Variants in SNTG1 observed in about 807,000 individuals in gnomAD.
SNTG1 encodes gamma-1-syntrophin.
Under a neutral mutation model 74.7 loss-of-function variants are expected in SNTG1, and 39 were observed. That is an observed-to-expected ratio of 0.52 (90% CI 0.40 to 0.68). The LOEUF is 0.68. SNTG1 is among the 30% of genes least tolerant of loss of function. The probability of loss-of-function intolerance (pLI) is 0.00; values close to 1 mark genes in which losing one functional copy is unlikely to be tolerated. For missense variants in SNTG1, 685 were observed against 609.5 expected (o/e 1.12, Z -1.30); for synonymous variants, 254 against 217.1 (o/e 1.17, Z -1.49).
At chr8:50,094,616 A>T (rs1424376578) in intron 1 of SNTG1, among the ~76,000 whole-genome samples, 6 of 152,216 alleles carry the variant, frequency 3.9e-5, no homozygotes, top group Admixed American at 6.5e-5. Context: ...GAGAAATGCA[A>T]ATCAAATCAA....
At chr8:50,185,699 T>C (rs2083355684) in intron 2 of SNTG1, among the ~76,000 whole-genome samples, 1 of 152,318 alleles carries the variant, frequency 6.6e-6, no homozygotes, top group Admixed American at 6.5e-5. Context: ...AGTTCACTAA[T>C]AATTGTGGAA....
Position 50,479,342 on chromosome 8 carries a change from A to G in SNTG1, c.364-23436A>G, listed in dbSNP as rs200538426. Among the ~76,000 whole-genome samples, 4 of 152,102 alleles carry G rather than the reference A, an allele frequency of 2.6e-5. No homozygotes were observed. In the East Asian group the frequency reaches 5.8e-4, roughly 22 times the overall value. On this transcript the variant is annotated intron_variant, in intron 8 of 18. Coordinates refer to ENST00000642720, the MANE Select transcript of SNTG1 (RefSeq NM_018967.5). ...ATCCAGCTTTCTGCCAAGAATTTGA[A>G]TCTCATCTGATGCCACGTTTCTGAC...
chr8:50,230,858 G>T (rs549895409), intron 2 of SNTG1, among the ~76,000 whole-genome samples: 76 of 146,024 alleles, frequency 5.2e-4, no homozygotes, highest in African/African-American at 1.7e-3. Context: ...TTTTTAATTT[G>T]ACTCAAAAAC....
chr8:49,949,619 T>A (rs1563384542), intron 1 of SNTG1, among the ~76,000 whole-genome samples: 1 of 152,230 alleles, frequency 6.6e-6, no homozygotes, highest in Non-Finnish European at 1.5e-5. Context: ...ACGATTTTTA[T>A]ATTTTTCCGT....
intron 15 of SNTG1, among the ~76,000 whole-genome samples, chr8:50,699,008 G>A (rs1369825575): frequency 2.0e-5 from 3 of 152,104 alleles, no homozygotes; most frequent in Admixed American, 6.6e-5. Flanking sequence ...TTGAACTCCT[G>A]TGTTCTCTCT....
At chr8:50,554,981 A>G (rs1288972956) in intron 12 of SNTG1, among the ~76,000 whole-genome samples, 1 of 152,152 alleles carries the variant, frequency 6.6e-6, no homozygotes, top group Non-Finnish European at 1.5e-5. Context: ...TTGTCATGCC[A>G]TATTTCTTCA....
At chr8:50,311,706 C>A (rs1006733514) in intron 2 of SNTG1, among the ~76,000 whole-genome samples, 1 of 152,084 alleles carries the variant, frequency 6.6e-6, no homozygotes. Context: ...ATGAACTCAA[C>A]AAAGAAAACA....
At chr8:50,476,763 G>C (rs1202178273) in intron 8 of SNTG1, among the ~76,000 whole-genome samples, 5 of 151,904 alleles carry the variant, frequency 3.3e-5, no homozygotes, top group African/African-American at 9.7e-5. Flanking sequence ...CTAGTACCTA[G>C]ATCTTGGTAT....
At chr8:50,421,022 T>TA (rs536585946) in intron 4 of SNTG1, among the ~76,000 whole-genome samples, 85 of 39,620 alleles carry the variant, frequency 2.1e-3, no homozygotes, top group Admixed American at 5.8e-3. Flanking sequence ...AGACTCCACT[T>TA]AAAAAAAAAA....
intron 2 of SNTG1, among the ~76,000 whole-genome samples, chr8:50,345,650 T>C (rs1386947987): frequency 5.3e-5 from 8 of 152,252 alleles, no homozygotes; most frequent in Non-Finnish European, 4.4e-5. Context: ...GATTTTCTAA[T>C]TGATTTATCA....
At chr8:50,316,884 G>A (rs1010275177) in intron 2 of SNTG1, among the ~76,000 whole-genome samples, 5 of 152,088 alleles carry the variant, frequency 3.3e-5, no homozygotes, top group African/African-American at 4.8e-5. Context: ...ATTTCTACTG[G>A]AAAATGTTTA....
intron 8 of SNTG1, among the ~76,000 whole-genome samples, chr8:50,465,852 G>T (rs1268691457): frequency 1.3e-5 from 2 of 152,088 alleles, no homozygotes; most frequent in Non-Finnish European, 2.9e-5. Flanking sequence ...CTGTTGAAGG[G>T]CATCACACTT....
intron 13 of SNTG1, among the ~76,000 whole-genome samples, chr8:50,656,646 G>C (rs995304058): frequency 6.6e-6 from 1 of 152,062 alleles, no homozygotes; most frequent in Non-Finnish European, 1.5e-5. Flanking sequence ...TATAATCCAT[G>C]GCAGGTTGGA....
At chr8:50,230,348 A>G (rs1236853491) in intron 2 of SNTG1, among the ~76,000 whole-genome samples, 2 of 151,298 alleles carry the variant, frequency 1.3e-5, no homozygotes, top group African/African-American at 4.8e-5. Context: ...ATAAATTACC[A>G]ATATTACTAT....
At chr8:50,037,676 G>A (rs117799318) in intron 1 of SNTG1, among the ~76,000 whole-genome samples, 3 of 152,172 alleles carry the variant, frequency 2.0e-5, no homozygotes, top group Admixed American at 2.0e-4. Context: ...TTAGTAGCCA[G>A]TTGTCCTTGG....
intron 1 of SNTG1, among the ~76,000 whole-genome samples, chr8:50,117,664 T>C (rs948513606): frequency 1.3e-5 from 2 of 152,128 alleles, no homozygotes; most frequent in Admixed American, 6.6e-5. Flanking sequence ...ATCACAGAAT[T>C]AGCTCTCACT....
chr8:50,398,235 C>T (rs2092753370), intron 3 of SNTG1, among the ~76,000 whole-genome samples: 1 of 152,232 alleles, frequency 6.6e-6, no homozygotes, highest in African/African-American at 2.4e-5. Flanking sequence ...TAACAGTGAA[C>T]ATATTATCTC....
chr8:50,045,547 G>A (rs538868229), intron 1 of SNTG1, among the ~76,000 whole-genome samples: 7 of 152,046 alleles, frequency 4.6e-5, no homozygotes, highest in Non-Finnish European at 8.8e-5. Context: ...TAAGATTTAG[G>A]GGGGACAACA....
intron 2 of SNTG1, among the ~76,000 whole-genome samples, chr8:50,325,322 T>A (rs979937187): frequency 2.0e-5 from 3 of 151,906 alleles, no homozygotes; most frequent in Non-Finnish European, 4.4e-5. Flanking sequence ...AGAATTGACA[T>A]CTTGACAATT....
Sources: gnomAD v4.1 joint callset for allele counts (sites outside exome capture counted in the v4.1 genomes callset) on GRCh38, gnomAD v4.1.1 for gene constraint, MANE v1.5 for transcripts, NCBI Gene and HGNC (gene_info 2026-07-23, HGNC 2026-07-21) for gene names.